Variants in MYOF observed in about 807,000 individuals in gnomAD.
The protein encoded by MYOF is fer-1-like 3, myoferlin.
Under a neutral mutation model 284.2 loss-of-function variants are expected in MYOF, and 244 were observed. The ratio of observed to expected loss-of-function variants is 0.86; its 90% confidence interval spans 0.77 to 0.95. MYOF has a LOEUF of 0.95. Ranked by LOEUF, MYOF falls within the 40% of genes least tolerant of loss-of-function variation. The probability of loss-of-function intolerance (pLI) is 0.00; values close to 1 mark genes in which losing one functional copy is unlikely to be tolerated. For missense variants in MYOF, 2,496 were observed against 2,560.6 expected (o/e 0.97, Z 0.54); for synonymous variants, 904 against 919.7 (o/e 0.98, Z 0.31).
chr10:93,461,423 AC>A (rs771072407), intron 1 of MYOF, among the ~76,000 whole-genome samples: 2 of 152,154 alleles, frequency 1.3e-5, no homozygotes, highest in Non-Finnish European at 2.9e-5. Flanking sequence ...GCTATACGGG[AC>A]TGATAGAGAA....
rs771359787 is a variant in MYOF, at chr10:93,328,856, C to T, written c.5038G>A (p.Val1680Ile). The change falls in exon 45 of 54, where the codon GTC (valine) becomes ATC (isoleucine). Residue 1680 changes from valine to isoleucine, a missense_variant. Val to Ile is a conservative substitution (Grantham distance 29). Coordinates refer to ENST00000359263, the MANE Select transcript of MYOF (RefSeq NM_013451.4). ...TGTGGGAAGCCTTTGAATCTGGCGA[C>T]ATTTTGAAGCAGCTGTGTTGGTCTC... is the stretch of plus-strand genomic sequence containing the variant. Reference protein sequence around the residue: ...QLRPTQLLQNVARFKGFPQPI... With the variant: ...QLRPTQLLQNIARFKGFPQPI... 1 of 1,613,854 alleles carries T rather than the reference C, an allele frequency of 6.2e-7. No individual in the cohort carries two copies. Among genetic ancestry groups the T allele is most frequent in the South Asian group, 1.1e-5 (1 of 91,018 alleles).
At chr10:93,376,639 A>C (rs1325865361) in intron 22 of MYOF, among the ~76,000 whole-genome samples, 1 of 152,122 alleles carries the variant, frequency 6.6e-6, no homozygotes, top group Admixed American at 6.5e-5. Flanking sequence ...TGCTTGTGGA[A>C]AGCATTCAAT....
chr10:93,392,162 T>C (rs953376359), intron 17 of MYOF, among the ~76,000 whole-genome samples: 5 of 152,188 alleles, frequency 3.3e-5, no homozygotes, highest in South Asian at 2.1e-4. Context: ...AAATAAGAAT[T>C]GGGCATTGTG....
intron 1 of MYOF, among the ~76,000 whole-genome samples, chr10:93,467,288 G>A (rs1489378132): frequency 6.6e-6 from 1 of 150,680 alleles, no homozygotes; most frequent in East Asian, 2.0e-4. Flanking sequence ...TTAACATTAG[G>A]TATATCTCCT....
At chr10:93,353,070 G>A (rs1348928512) in intron 32 of MYOF, among the ~76,000 whole-genome samples, 9 of 152,102 alleles carry the variant, frequency 5.9e-5, no homozygotes, top group African/African-American at 2.4e-5. Context: ...CTCATTTCTC[G>A]GGGCAAATGG....
intron 20 of MYOF, among the ~76,000 whole-genome samples, chr10:93,380,787 C>T (rs1414698894): frequency 6.6e-6 from 1 of 152,198 alleles, no homozygotes; most frequent in African/African-American, 2.4e-5. Context: ...GTTAAGGTCA[C>T]AAGCTGGTGA....
chr10:93,461,673 A>G (rs2134348003), intron 1 of MYOF, among the ~76,000 whole-genome samples: 1 of 152,194 alleles, frequency 6.6e-6, no homozygotes, highest in South Asian at 2.1e-4. Context: ...ACACTCCAGG[A>G]CCCAACCAGC....
intron 28 of MYOF, 146 bp from the exon 29 acceptor site, chr10:93,360,124 G>T: frequency 1.0e-6 from 1 of 1,004,612 alleles, no homozygotes; most frequent in Non-Finnish European, 1.5e-6. Context: ...TCACTTTGCT[G>T]GGTTATTCAG....
chr10:93,307,337 C>T (rs1288789711), intron 53 of MYOF, among the ~76,000 whole-genome samples: 1 of 152,122 alleles, frequency 6.6e-6, no homozygotes, highest in African/African-American at 2.4e-5. Context: ...GCTCTGTCGC[C>T]TAGGCTGGAG....
chr10:93,475,968 G>C (rs1365368490), intron 1 of MYOF, among the ~76,000 whole-genome samples: 2 of 152,290 alleles, frequency 1.3e-5, no homozygotes, highest in Non-Finnish European at 2.9e-5. Flanking sequence ...ACTTTCCTTA[G>C]GCAGTGAGTC....
chr10:93,385,994 C>CT (rs1463800148), intron 19 of MYOF, among the ~76,000 whole-genome samples: 5 of 152,198 alleles, frequency 3.3e-5, no homozygotes, highest in African/African-American at 1.2e-4. Context: ...CTTTCTCCTT[C>CT]TCCCTGCAAC....
In MYOF at chr10:93,456,906, A is replaced by G. The variant is rs772898285; in HGVS notation, c.120T>C (p.Asn40=). Residue 40 remains asparagine, a synonymous_variant, in exon 2 of 54, where the codon AAT becomes AAC. Coordinates refer to ENST00000359263, the MANE Select transcript of MYOF (RefSeq NM_013451.4). ...DEKKKTKKVD[N]ELNPVWNEIL... The stretch of plus-strand genomic sequence containing the variant: ...CCTCATTCCAGACAGGGTTCAATTC[A>G]TTATCAACTTTCTTTGTTTTCTTTT... 5 of 1,608,948 alleles carry G rather than the reference A, an allele frequency of 3.1e-6. No individual in the cohort carries two copies. The South Asian group carries it at 5.5e-5, about 18-fold the overall frequency.
At chr10:93,462,532 C>T (rs1211935674) in intron 1 of MYOF, among the ~76,000 whole-genome samples, 1 of 152,066 alleles carries the variant, frequency 6.6e-6, no homozygotes, top group South Asian at 2.1e-4. Flanking sequence ...CTAACCAGGT[C>T]TAGTATGACT....
At chr10:93,481,988 A>G in intron 1 of MYOF, 119 bp downstream of exon 1, 1 of 959,240 alleles carries the variant, frequency 1.0e-6, no homozygotes. Flanking sequence ...GCAGGTAACA[A>G]ACGCTGCTGG....
intron 5 of MYOF, among the ~76,000 whole-genome samples, chr10:93,410,920 T>C (rs1847874809): frequency 6.6e-6 from 1 of 152,220 alleles, no homozygotes; most frequent in Admixed American, 6.5e-5. Flanking sequence ...TGAAGCCACG[T>C]GGCCTAGGCT....
chr10:93,347,912 T>C, intron 36 of MYOF, 130 bp from the exon 37 acceptor site: 1 of 912,940 alleles, frequency 1.1e-6, no homozygotes, highest in African/African-American at 1.7e-5. Context: ...GTTCAGTTAC[T>C]CATGTGCCAG....
intron 5 of MYOF, among the ~76,000 whole-genome samples, chr10:93,422,486 G>T (rs1423015152): frequency 6.6e-6 from 1 of 152,150 alleles, no homozygotes; most frequent in African/African-American, 2.4e-5. Context: ...GGATTTTCTC[G>T]CCAGCAGGTT....
At chr10:93,318,989 T>A (rs1842739770) in intron 49 of MYOF, among the ~76,000 whole-genome samples, 1 of 152,138 alleles carries the variant, frequency 6.6e-6, no homozygotes, top group Admixed American at 6.5e-5. Context: ...AGCACCCAGA[T>A]TTTCCTTAGC....
Position 93,355,682 on chromosome 10 carries a change from T to G in MYOF, c.3349A>C (p.Ser1117Arg). ...TTTGCTCCGAACACAGTGGTGGCAC[T>G]GTGCTTCTGTTTCTCCAGGCTCTTC... Reference protein sequence around the residue: ...DEKSLEKQKHSATTVFGANTP... With the variant: ...DEKSLEKQKHRATTVFGANTP... The change falls in exon 31 of 54, where the codon AGT becomes CGT. Residue 1117 changes from serine (S) to arginine (R), a missense_variant. Physicochemically the swap from Ser to Arg is moderately radical, Grantham distance 110. Around this residue, in one of 3 missense-constraint regions of MYOF, gnomAD observed 2,436 missense variants for 2,480.7 expected, o/e 0.98. Transcript: ENST00000359263. 2 of 1,613,378 alleles carry G rather than the reference T, an allele frequency of 1.2e-6. No individual in the cohort carries two copies. The highest frequency in any genetic ancestry group is 3.3e-5 in the Admixed American group (2 of 60,014).
Sources: allele counts gnomAD v4.1 joint callset (sites outside exome capture counted in the v4.1 genomes callset), GRCh38; gene constraint gnomAD v4.1.1; regional missense constraint gnomAD v4.1.1; transcripts MANE v1.5; gene names NCBI Gene and HGNC (gene_info 2026-07-23, HGNC 2026-07-21).